Variants in RBP5 observed in about 807,000 individuals in gnomAD.
The protein encoded by RBP5 is retinol-binding protein 5.
Under a neutral mutation model 17.8 loss-of-function variants are expected in RBP5, and 12 were observed. The observed-to-expected ratio is 0.67, with a 90% confidence interval of 0.43 to 1.09. The LOEUF (loss-of-function observed/expected upper bound fraction) is 1.09. Ranked by LOEUF, RBP5 falls within the 50% of genes least tolerant of loss-of-function variation. The probability of loss-of-function intolerance (pLI) is 0.00; values close to 1 mark genes in which losing one functional copy is unlikely to be tolerated. For synonymous variants in RBP5, 64 were observed against 68.1 expected (o/e 0.94, Z 0.30); for missense variants, 172 against 169.4 (o/e 1.02, Z -0.09).
upstream of RBP5, chr12:7,128,899 G>A (rs899389545): frequency 2.1e-5 from 16 of 778,588 alleles, no homozygotes; most frequent in East Asian, 2.8e-5. The surrounding 1 kb of genome is among the most constrained non-coding windows in gnomAD (Gnocchi z 5.3). Context: ...TGTAATGGCC[G>A]GGTTACCAGG....
upstream of RBP5, chr12:7,129,727 G>T (rs1329000337): frequency 1.0e-6 from 1 of 985,356 alleles, no homozygotes; most frequent in African/African-American, 1.7e-5. The surrounding 1 kb of genome is among the most constrained non-coding windows in gnomAD (Gnocchi z 5.5). Flanking sequence ...CATCGTCCCG[G>T]GCTTCAGAAT....
chr12:7,124,812 C>T lies in RBP5; in HGVS notation c.253-82G>A. 1.3e-6 allele frequency: 1 copy of T among 799,254 alleles called. No homozygotes were observed. The highest frequency in any genetic ancestry group is 1.7e-5 in the African/African-American group (1 of 59,592). The allele number at this position is 799,254 out of a possible 1,614,324, so 49.5% of individuals were successfully genotyped here. A position where few individuals can be genotyped will look rare whatever the true frequency, so the allele number is the denominator to read the frequency against. ...CCCATCTCACTCTGAATGGGCTCCC[C>T]CTTTTACTCCACAGCAGATACTGTC... On this transcript the variant is annotated intron_variant, in intron 2 of 3. Coordinates refer to ENST00000266560, the MANE Select transcript of RBP5 (RefSeq NM_031491.4). This position sits in a 1 kb window ranked among gnomAD's most constrained non-coding sequence, Gnocchi z 5.3.
Position 7,128,686 on chromosome 12 carries a change from G to T in RBP5, c.73+17C>A. 6.3e-7 allele frequency: 1 copy of T among 1,579,548 alleles called. No homozygotes were observed. Among genetic ancestry groups the T allele is most frequent in the South Asian group, 1.2e-5 (1 of 86,940 alleles). ...GAGAAAGGGAGTGACAGGGGTCTGG[G>T]AGGGCGAGGCCATTACTTAGGGCTT... On this transcript the variant is annotated intron_variant, in intron 1 of 3. Transcript: ENST00000266560. This position sits in a 1 kb window ranked among gnomAD's most constrained non-coding sequence, Gnocchi z 5.3.
intron 2 of RBP5, among the ~76,000 whole-genome samples, chr12:7,125,495 C>T (rs2135782773): frequency 6.6e-6 from 1 of 152,282 alleles, no homozygotes; most frequent in South Asian, 2.1e-4. Flanking sequence ...CTGAGCATTC[C>T]AATCAACCTT....
rs1222917630 is a variant in RBP5, at chr12:7,117,993, A to G, written n.890-686T>C. 6.6e-6 allele frequency: 1 copy of G among 152,256 alleles called. No individual in the cohort carries two copies. Among genetic ancestry groups the G allele is most frequent in the African/African-American group, 2.4e-5 (1 of 41,458 alleles). 9.4% of individuals were successfully genotyped at this position (152,256 alleles called of 1,614,324 possible). A position where few individuals can be genotyped will look rare whatever the true frequency, so the allele number is the denominator to read the frequency against. ...GACTATCCCTTCCTTCAATATGTTC[A>G]TGGCTGAGGCTGCATTTGTGCCTCA... On this transcript the variant is annotated intron_variant and non_coding_transcript_variant, in intron 3 of 3. Transcript: ENST00000619522. The surrounding 1 kb of genome is among the most constrained non-coding windows in gnomAD (Gnocchi z 4.9).
At position 7,124,536 on chromosome 12, in the gene RBP5, G is replaced by T; in HGVS notation, c.354+93C>A. 1 of 744,634 alleles carries T rather than the reference G, an allele frequency of 1.3e-6. No homozygotes were observed. 46.1% of individuals were successfully genotyped at this position (744,634 alleles called of 1,614,324 possible). ...CTTGGATAGGGATTGGGGCTGGGCTGGGGGAAGAGTGGTGGACCTATCTGG... is the reference window on the plus strand; with the variant it reads ...CTTGGATAGGGATTGGGGCTGGGCTTGGGGAAGAGTGGTGGACCTATCTGG... On this transcript the variant is annotated intron_variant, in intron 3 of 3. Transcript: ENST00000266560. This position sits in a 1 kb window ranked among gnomAD's most constrained non-coding sequence, Gnocchi z 5.3.
Position 7,124,578 on chromosome 12 carries a change from C to G in RBP5, c.354+51G>C, listed in dbSNP as rs1189292314. The G allele has an allele frequency of 3.0e-6, 3 of 1,010,414 alleles. No homozygotes were observed. Among genetic ancestry groups the G allele is most frequent in the Non-Finnish European group, 4.7e-6 (3 of 637,202 alleles). The allele number at this position is 1,010,414 out of a possible 1,614,324, so 62.6% of individuals were successfully genotyped here. A position where few individuals can be genotyped will look rare whatever the true frequency, so the allele number is the denominator to read the frequency against. ...CCTATCTGGTTTGGACAAGGGGATG[C>G]CTTATAGCTGGAGGCCCTTCTCCCA... On this transcript the variant is annotated intron_variant, in intron 3 of 3. Coordinates refer to ENST00000266560, the MANE Select transcript of RBP5 (RefSeq NM_031491.4). This position sits in a 1 kb window ranked among gnomAD's most constrained non-coding sequence, Gnocchi z 5.3.
At chr12:7,121,796 A>C (rs2135779320), downstream of RBP5, 1 of 155,294 alleles carries the variant, frequency 6.4e-6, no homozygotes, top group Middle Eastern at 5.2e-4. Flanking sequence ...GGGCTGACTT[A>C]GAGAGCACAG....
intron 2 of RBP5, among the ~76,000 whole-genome samples, chr12:7,127,225 C>T (rs985195511): frequency 1.3e-5 from 2 of 152,094 alleles, no homozygotes; most frequent in Non-Finnish European, 2.9e-5. Flanking sequence ...AACTCTTGAC[C>T]TCAGGTGATC....
At chr12:7,126,512 T>TG (rs1555167375) in intron 2 of RBP5, among the ~76,000 whole-genome samples, 10,498 of 99,478 alleles carry the variant, frequency 0.11, 357 homozygotes, top group Middle Eastern at 0.19. Context: ...GTGGTGGTGG[T>TG]GTGTGTGTGT....
At chr12:7,120,397 C>G (rs892175329), downstream of RBP5, 1 of 155,156 alleles carries the variant, frequency 6.4e-6, no homozygotes, top group African/African-American at 2.4e-5. Context: ...AGGCAGGGTT[C>G]TCTGGGTACT....
At position 7,124,993 on chromosome 12, in the gene RBP5, G is replaced by GC. The variant is rs1276792305; in HGVS notation, c.253-264dup. On this transcript the variant is annotated intron_variant, in intron 2 of 3. Coordinates refer to ENST00000266560, the MANE Select transcript of RBP5 (RefSeq NM_031491.4). This position sits in a 1 kb window ranked among gnomAD's most constrained non-coding sequence, Gnocchi z 5.3. Reference sequence around the variant, plus strand: ...AGGATCTCGGCTCACTGCAACCTCTGCCTCCTGGGTTCAAGTGAATCTCAT... The same window carrying GC: ...AGGATCTCGGCTCACTGCAACCTCTGCCCTCCTGGGTTCAAGTGAATCTCAT... Among the ~76,000 whole-genome samples, 1 of 152,102 alleles carries GC rather than the reference G, an allele frequency of 6.6e-6. No individual in the cohort carries two copies. Among genetic ancestry groups the GC allele is most frequent in the Non-Finnish European group, 1.5e-5 (1 of 68,016 alleles).
In RBP5 at chr12:7,128,759, G is replaced by A; in HGVS notation, c.17C>T (p.Thr6Ile). 1 of 1,603,990 alleles carries A rather than the reference G, an allele frequency of 6.2e-7. No homozygotes were observed. The highest frequency in any genetic ancestry group is 8.5e-7 in the Non-Finnish European group (1 of 1,175,206). The change falls in exon 1 of 4, where the codon ACT becomes ATT. Residue 6 changes from threonine to isoleucine, a missense_variant. By Grantham distance (89) the Thr-to-Ile change is moderately conservative. Transcript: ENST00000266560. This position sits in a 1 kb window ranked among gnomAD's most constrained non-coding sequence, Gnocchi z 5.3. ...CTGCGAGACAAAGCGGTAGTAGCCAGTGAGGTTGGGAGGCATTGTGTGGAT... is the reference window on the plus strand; with the variant it reads ...CTGCGAGACAAAGCGGTAGTAGCCAATGAGGTTGGGAGGCATTGTGTGGAT... MPPNL[T>I]GYYRFVSQKN... is the part of the protein sequence containing the mutation.
At chr12:7,127,958 T>TG (rs1939202543) in intron 2 of RBP5, among the ~76,000 whole-genome samples, 1 of 152,216 alleles carries the variant, frequency 6.6e-6, no homozygotes, top group African/African-American at 2.4e-5. Flanking sequence ...TGTCACAGGC[T>TG]GGAGGGTGGG....
chr12:7,129,920 C>T, upstream of RBP5: 1 of 556,002 alleles, frequency 1.8e-6, no homozygotes, highest in South Asian at 7.7e-5. The surrounding 1 kb of genome is among the most constrained non-coding windows in gnomAD (Gnocchi z 5.5). Context: ...TTCCTCGCAG[C>T]CCTGGGCTAC....
chr12:7,119,735 A>C (rs1356119166), downstream of RBP5, among the ~76,000 whole-genome samples: 2 of 152,140 alleles, frequency 1.3e-5, no homozygotes, highest in South Asian at 2.1e-4. Context: ...GTCAGGGCGC[A>C]CTCCACTCCA....
At chr12:7,126,520 T>TGGTG (rs1356585118) in intron 2 of RBP5, among the ~76,000 whole-genome samples, 12 of 93,724 alleles carry the variant, frequency 1.3e-4, no homozygotes, top group Admixed American at 1.2e-3. Flanking sequence ...GGTGTGTGTG[T>TGGTG]GTGTGTGTGT....
At chr12:7,123,402 T>G (rs1297817872), downstream of RBP5, among the ~76,000 whole-genome samples, 1 of 152,166 alleles carries the variant, frequency 6.6e-6, no homozygotes, top group Non-Finnish European at 1.5e-5. Context: ...CTTTTTCAGC[T>G]TTTTCTGGCT....
intron 2 of RBP5, among the ~76,000 whole-genome samples, chr12:7,126,514 T>TGGTG (rs1591609276): frequency 5.0e-4 from 42 of 83,772 alleles, no homozygotes; most frequent in African/African-American, 1.6e-3. Context: ...GGTGGTGGTG[T>TGGTG]GTGTGTGTGT....
Sources: allele counts gnomAD v4.1 joint callset (sites outside exome capture counted in the v4.1 genomes callset), GRCh38; gene constraint gnomAD v4.1.1; non-coding constraint Gnocchi (gnomAD v3.1); transcripts MANE v1.5; gene names NCBI Gene and HGNC (gene_info 2026-07-23, HGNC 2026-07-21).